Variants in RORA observed in about 807,000 individuals in gnomAD.
The protein encoded by RORA is RAR related orphan receptor A.
Under a neutral mutation model 69.5 loss-of-function variants are expected in RORA, and 7 were observed. The observed-to-expected ratio is 0.10, with a 90% CI of 0.06 to 0.19. The LOEUF is 0.19. RORA is among the 10% of genes least tolerant of loss of function. The pLI, the probability that RORA is intolerant of heterozygous loss-of-function variation, is 1.00. For missense variants in RORA, 457 were observed against 663.0 expected (o/e 0.69, Z 3.41); for synonymous variants, 261 against 240.8 (o/e 1.08, Z -0.78).
At chr15:60,540,908 T>A (rs1171186557) in intron 2 of RORA, among the ~76,000 whole-genome samples, 1 of 152,188 alleles carries the variant, frequency 6.6e-6, no homozygotes, top group Non-Finnish European at 1.5e-5. Context: ...CATGGTGTCA[T>A]GACACCAAAA....
intron 1 of RORA, among the ~76,000 whole-genome samples, chr15:61,166,475 A>G (rs1235261128): frequency 6.6e-6 from 1 of 152,202 alleles, no homozygotes; most frequent in South Asian, 2.1e-4. Flanking sequence ...ATGAGGCAGG[A>G]GAGGAGTAGT....
chr15:60,707,334 T>TTTA (rs544621303), intron 1 of RORA, among the ~76,000 whole-genome samples: 2 of 136,122 alleles, frequency 1.5e-5, no homozygotes, highest in Admixed American at 7.4e-5. Context: ...TATTTCTTTA[T>TTTA]TTTATTTATT....
At chr15:60,581,326 G>A (rs1044126464) in intron 2 of RORA, among the ~76,000 whole-genome samples, 1 of 152,096 alleles carries the variant, frequency 6.6e-6, no homozygotes, top group African/African-American at 2.4e-5. Context: ...CTGCAATAGT[G>A]GAAACAAAAT....
intron 1 of RORA, among the ~76,000 whole-genome samples, chr15:60,866,855 C>CTATCTATCTATCTAT (rs55912042): frequency 0.012 from 1,109 of 90,588 alleles, 6 homozygotes; most frequent in East Asian, 0.029. Context: ...TATCTATCTA[C>CTATCTATCTATCTAT]CTACCTACCT....
intron 1 of RORA, among the ~76,000 whole-genome samples, chr15:60,832,540 A>T (rs915484469): frequency 6.6e-6 from 1 of 152,180 alleles, no homozygotes; most frequent in Admixed American, 6.5e-5. Context: ...TCAGACTTCG[A>T]TGTAAAGGAC....
At position 60,738,012 on chromosome 15, in the gene RORA, T is replaced by C. The variant is rs1206906464; in HGVS notation, c.167-59326A>G. Among the ~76,000 whole-genome samples, 3 of 152,304 alleles carry C rather than the reference T, an allele frequency of 2.0e-5. No homozygotes were observed. The East Asian group carries it at 5.8e-4, about 29-fold the overall frequency. On this transcript the variant is annotated intron_variant, in intron 1 of 10. Transcript: ENST00000335670. ...TGGATTGGGTCATAAATAAGTAATA[T>C]AGCTTTTGGAAGTGAATGGGAAGAG...
At chr15:61,101,101 A>G (rs531584996) in intron 1 of RORA, among the ~76,000 whole-genome samples, 1 of 152,360 alleles carries the variant, frequency 6.6e-6, no homozygotes, top group South Asian at 2.1e-4. Flanking sequence ...AGCTGCTGAA[A>G]TTCTTCTCCA....
chr15:60,540,218 A>G (rs1054506560), intron 2 of RORA, among the ~76,000 whole-genome samples: 4 of 152,220 alleles, frequency 2.6e-5, no homozygotes, highest in African/African-American at 9.7e-5. Flanking sequence ...CCTTAACAGG[A>G]ACAATTACGC....
chr15:61,049,029 G>A (rs2140494868), intron 1 of RORA, among the ~76,000 whole-genome samples: 1 of 152,180 alleles, frequency 6.6e-6, no homozygotes, highest in South Asian at 2.1e-4. Context: ...TTCCCCCTTG[G>A]ACACCCCCAC....
intron 1 of RORA, among the ~76,000 whole-genome samples, chr15:60,791,058 T>G (rs2072409705): frequency 6.6e-6 from 1 of 151,844 alleles, no homozygotes; most frequent in African/African-American, 2.4e-5. Context: ...GGGAAGAAAA[T>G]GCAATAGATG....
intron 1 of RORA, among the ~76,000 whole-genome samples, chr15:60,961,954 G>A (rs200791379): frequency 6.6e-6 from 1 of 152,218 alleles, no homozygotes; most frequent in Non-Finnish European, 1.5e-5. Context: ...AGGTGCTGGG[G>A]TTTGTATTTG....
chr15:61,029,849 C>A (rs1004886407), intron 1 of RORA, among the ~76,000 whole-genome samples: 2 of 152,154 alleles, frequency 1.3e-5, no homozygotes, highest in Non-Finnish European at 1.5e-5. Context: ...AAAAGGGCCA[C>A]GAGGAAGACA....
At chr15:61,098,852 G>A (rs534162255) in intron 1 of RORA, among the ~76,000 whole-genome samples, 1 of 152,308 alleles carries the variant, frequency 6.6e-6, no homozygotes, top group South Asian at 2.1e-4. Context: ...CTGCTTAGGA[G>A]CAATCGTTAT....
chr15:60,743,887 C>G (rs1039944830), intron 1 of RORA, among the ~76,000 whole-genome samples: 1 of 152,122 alleles, frequency 6.6e-6, no homozygotes, highest in East Asian at 1.9e-4. Context: ...TTATCCTGGG[C>G]CTTATTTTTC....
intron 3 of RORA, among the ~76,000 whole-genome samples, chr15:60,523,701 G>A (rs1397175356): frequency 2.6e-5 from 4 of 152,076 alleles, no homozygotes; most frequent in East Asian, 1.9e-4. Flanking sequence ...TTAGAGATAC[G>A]GTCTCTGTCA....
chr15:60,521,730 T>G (rs1595905004), intron 3 of RORA, among the ~76,000 whole-genome samples: 1 of 152,200 alleles, frequency 6.6e-6, no homozygotes, highest in Non-Finnish European at 1.5e-5. Flanking sequence ...TTAAGTCCAG[T>G]GCCCTCTTAC....
At chr15:60,748,438 C>G (rs1346995345) in intron 1 of RORA, among the ~76,000 whole-genome samples, 1 of 152,214 alleles carries the variant, frequency 6.6e-6, no homozygotes, top group Non-Finnish European at 1.5e-5. Flanking sequence ...GTAAGAGGTT[C>G]CTCCTCACGT....
At chr15:61,217,165 C>T (rs187344558) in intron 1 of RORA, among the ~76,000 whole-genome samples, 3 of 152,322 alleles carry the variant, frequency 2.0e-5, no homozygotes, top group African/African-American at 7.2e-5. Flanking sequence ...AAGAGAGTAT[C>T]TGCATGCTTA....
chr15:60,547,969 C>T (rs1293930398), intron 2 of RORA: 1 of 152,118 alleles, frequency 6.6e-6, no homozygotes, highest in Admixed American at 6.5e-5. Flanking sequence ...GGAGAAAACT[C>T]TGAGTCTCAT....
Sources: allele counts gnomAD v4.1 joint callset (sites outside exome capture counted in the v4.1 genomes callset), GRCh38; gene constraint gnomAD v4.1.1; transcripts MANE v1.5; gene names NCBI Gene and HGNC (gene_info 2026-07-23, HGNC 2026-07-21).